Variants in MISP observed in about 807,000 individuals in gnomAD.
The protein encoded by MISP is mitotic interactor and substrate of PLK1.
A neutral mutation model predicts 49.3 loss-of-function variants in MISP; 51 were observed. The observed-to-expected ratio is 1.03, with a 90% CI of 0.83 to 1.31. MISP has a LOEUF of 1.31. Ranked by LOEUF, MISP falls within the 50% of genes most tolerant of loss-of-function variation. MISP has a pLI of 0.00. For synonymous variants in MISP, 444 were observed against 392.6 expected, an observed-to-expected ratio of 1.13 and a Z score of -1.55; for missense variants, 1,084 against 935.1, an observed-to-expected ratio of 1.16 and a Z score of -2.08.
rs772456004 is a variant in MISP at position 757,625 on chromosome 19, G to A, written c.679G>A (p.Ala227Thr). The change falls in exon 2 of 5, where the codon GCC becomes ACC. Residue 227 changes from alanine to threonine, a missense_variant. By Grantham distance (58) the Ala-to-Thr change is moderately conservative (BLOSUM62 0). Coordinates refer to ENST00000215582, the MANE Select transcript of MISP (RefSeq NM_173481.4). ...GACCCCTGCAGGCACAACCCCAGGG[G>A]CCAGCCAGGCCCCCAAGGCCTTCAA... The part of the protein sequence containing the change: ...RGTPAGTTPG[A>T]SQAPKAFNKP... The A allele has an allele frequency of 8.2e-5, 133 of 1,612,312 alleles. 1 individual carries two copies. In the South Asian group the frequency reaches 1.2e-3, roughly 15 times the overall value.
At chr19:760,087 C>T (rs373266238) in intron 3 of MISP, 48 bp downstream of exon 3, 6 of 1,607,806 alleles carry the variant, frequency 3.7e-6, no homozygotes, top group Admixed American at 3.4e-5. Flanking sequence ...GGTCAGACAG[C>T]CCCTATTAGG....
chr19:758,795 G>A lies in MISP; in HGVS notation c.1780+69G>A. The A allele has an allele frequency of 2.1e-6, 3 of 1,396,636 alleles. No homozygotes were observed. The African/African-American group carries it at 4.3e-5, about 20-fold the overall frequency. 86.5% of individuals were successfully genotyped at this position (1,396,636 alleles called of 1,614,324 possible). A position where few individuals can be genotyped will look rare whatever the true frequency, so the allele number is the denominator to read the frequency against. On this transcript the variant is annotated intron_variant, in intron 2 of 4. Coordinates refer to ENST00000215582, the MANE Select transcript of MISP (RefSeq NM_173481.4). Reference sequence around the variant, plus strand: ...AGAGGTTGGAGCAGGGGAGGGTGGGGAGGTGGAGTTTGAGGCTGTCAAAGG... The same window carrying A: ...AGAGGTTGGAGCAGGGGAGGGTGGGAAGGTGGAGTTTGAGGCTGTCAAAGG...
intron 1 of MISP, among the ~76,000 whole-genome samples, chr19:754,558 T>C (rs4919827): frequency 0.98 from 149,441 of 152,332 alleles, 73,309 homozygotes; most frequent in East Asian, 1. Flanking sequence ...ACCCGGGAGG[T>C]GGAGATTGCA....
intron 1 of MISP, among the ~76,000 whole-genome samples, chr19:754,924 C>G (rs1332107531): frequency 7.2e-6 from 1 of 138,516 alleles, no homozygotes; most frequent in Non-Finnish European, 1.6e-5. Flanking sequence ...AGAGGAGGGT[C>G]TGGTTTGGGT....
chr19:757,905 A>G lies in MISP; in HGVS notation c.959A>G (p.Gln320Arg). The G allele has an allele frequency of 1.2e-6, 2 of 1,604,108 alleles. No individual in the cohort carries two copies. Among genetic ancestry groups the G allele is most frequent in the Non-Finnish European group, 1.7e-6 (2 of 1,179,630 alleles). ...GGGCTTCGGCAGGCAACCGACCACC[A>G]GGAGCTGGTGGAAATCCCCACCAGG... ...QRGLRQATDH[Q>R]ELVEIPTRPL... The change falls in exon 2 of 5, where the codon CAG (glutamine) becomes CGG (arginine). Residue 320 changes from glutamine (Q) to arginine (R), a missense_variant. Coordinates refer to ENST00000215582, the MANE Select transcript of MISP (RefSeq NM_173481.4).
Position 756,992 on chromosome 19 carries a change from C to T in MISP, c.46C>T (p.His16Tyr). The change falls in exon 2 of 5, where the codon CAC becomes TAC. Residue 16 changes from histidine to tyrosine, a missense_variant. By Grantham distance (83) the His-to-Tyr change is moderately conservative (BLOSUM62 2). Coordinates refer to ENST00000215582, the MANE Select transcript of MISP (RefSeq NM_173481.4). Reference protein sequence around the residue: ...RYPILGIPQAHRGTGLVLDGD... With the variant: ...RYPILGIPQAYRGTGLVLDGD... ...CCCCATCCTGGGCATCCCTCAGGCA[C>T]ACCGTGGCACCGGCCTGGTGCTGGA... The T allele has an allele frequency of 6.3e-7, 1 of 1,596,738 alleles. No individual in the cohort carries two copies. The highest frequency in any genetic ancestry group is 8.5e-7 in the Non-Finnish European group (1 of 1,170,296).
intron 1 of MISP, among the ~76,000 whole-genome samples, chr19:751,383 T>G (rs1347329958): frequency 6.6e-6 from 1 of 152,082 alleles, no homozygotes; most frequent in Non-Finnish European, 1.5e-5. Context: ...CTCTGGGGCC[T>G]CAAGGGCACC....
At chr19:761,009 T>G (rs949096062) in intron 3 of MISP, among the ~76,000 whole-genome samples, 7 of 151,894 alleles carry the variant, frequency 4.6e-5, no homozygotes, top group Non-Finnish European at 8.8e-5. Context: ...GAGAGCTCCT[T>G]TTGTCAGTAT....
upstream of MISP, among the ~76,000 whole-genome samples, chr19:749,758 A>C (rs536484429): frequency 6.6e-6 from 1 of 151,978 alleles, no homozygotes; most frequent in South Asian, 2.1e-4. Flanking sequence ...TGAACAGGGG[A>C]GGTTGCCGTG....
Position 758,286 on chromosome 19 carries a change from C to T in MISP, c.1340C>T (p.Pro447Leu). The change falls in exon 2 of 5, where the codon CCC becomes CTC. Residue 447 changes from proline to leucine, a missense_variant. Transcript: ENST00000215582. Reference protein sequence around the residue: ...EFSAFGAFGKPSSLSTAEAKA... With the variant: ...EFSAFGAFGKLSSLSTAEAKA... ...TCAGCCTTCGGAGCATTCGGCAAGCCCAGCAGTCTCTCCACAGCGGAGGCC... is the reference window on the plus strand; with the variant it reads ...TCAGCCTTCGGAGCATTCGGCAAGCTCAGCAGTCTCTCCACAGCGGAGGCC... 2 of 1,613,956 alleles carry T rather than the reference C, an allele frequency of 1.2e-6. No individual in the cohort carries two copies. The highest frequency in any genetic ancestry group is 1.7e-6 in the Non-Finnish European group (2 of 1,180,038).
In MISP at chr19:760,037, T is replaced by C; in HGVS notation, c.1909T>C (p.Trp637Arg). 1.9e-6 allele frequency: 3 copies of C among 1,613,608 alleles called. No individual in the cohort carries two copies. Among genetic ancestry groups the C allele is most frequent in the Non-Finnish European group, 2.5e-6 (3 of 1,179,732 alleles). ...TCCCGGGCAGAGAAAGAAGGAGCAATGGGTGAGTCTGGAACCCGTCTCTGC... is the reference window on the plus strand; with the variant it reads ...TCCCGGGCAGAGAAAGAAGGAGCAACGGGTGAGTCTGGAACCCGTCTCTGC... ...APPGQRKKEQWYAGINPSDGI... is the reference protein window; with the variant it reads ...APPGQRKKEQRYAGINPSDGI... The change falls in exon 3 of 5, where the codon TGG (tryptophan) becomes CGG (arginine). Residue 637 changes from tryptophan (W) to arginine (R), a missense_variant and splice_region_variant. Transcript: ENST00000215582.
rs2033609893 is a variant in MISP, at chr19:758,306, G to A, written c.1360G>A (p.Glu454Lys). The change falls in exon 2 of 5, where the codon GAG becomes AAG. Residue 454 changes from glutamate (E) to lysine (K), a missense_variant. Physicochemically the swap from Glu to Lys is moderately conservative, Grantham distance 56. Transcript: ENST00000215582. ...CAAGCCCAGCAGTCTCTCCACAGCG[G>A]AGGCCAAGGCTGCGACTTCACCAAA... Reference protein sequence around the residue: ...FGKPSSLSTAEAKAATSPKAT... With the variant: ...FGKPSSLSTAKAKAATSPKAT... The A allele has an allele frequency of 1.9e-6, 3 of 1,613,972 alleles. No individual in the cohort carries two copies. Among genetic ancestry groups the A allele is most frequent in the Non-Finnish European group, 2.5e-6 (3 of 1,180,058 alleles).
chr19:758,514 C>T lies in MISP; in HGVS notation c.1568C>T (p.Pro523Leu), dbSNP rs761073454. The T allele has an allele frequency of 7.4e-6, 12 of 1,614,128 alleles. No individual in the cohort carries two copies. Among genetic ancestry groups the T allele is most frequent in the Middle Eastern group, 1.7e-4 (1 of 6,056 alleles). The change falls in exon 2 of 5, where the codon CCC becomes CTC. Residue 523 changes from proline to leucine, a missense_variant. Transcript: ENST00000215582. The stretch of plus-strand genomic sequence containing the variant: ...GACGAGCCCCAGCAGGCCCAAGTCC[C>T]CCATGTCTGGGGCTGGGAGGTGGCT... ...APDEPQQAQV[P>L]HVWGWEVAGA...
In MISP at chr19:763,997, G is replaced by A. The variant is rs2285697; in HGVS notation, c.*407G>A. 15,521 of 159,854 alleles carry A rather than the reference G, an allele frequency of 0.097. 1,078 individuals carry two copies. The highest frequency in any genetic ancestry group is 0.18 in the Admixed American group (2,850 of 15,980). The allele number at this position is 159,854 out of a possible 1,614,324, so 9.9% of individuals were successfully genotyped here. A position where few individuals can be genotyped will look rare whatever the true frequency, so the allele number is the denominator to read the frequency against. On this transcript the variant is annotated 3_prime_UTR_variant, in exon 5 of 5. Transcript: ENST00000215582. ...GATCGCAGCACCTTGAGGGGCTGCG[G>A]GTCTGAGGGAGGAGACACTCAGCTC...
At position 757,956 on chromosome 19, in the gene MISP, TCAC is replaced by T. The variant is rs768432024; in HGVS notation, c.1011_1013del (p.Thr338del). 45 of 1,594,240 alleles carry T rather than the reference TCAC, an allele frequency of 2.8e-5. No individual in the cohort carries two copies. In the East Asian group the frequency reaches 9.6e-4, roughly 34 times the overall value. ...CCGCTGCTGACCAAGCTGAGCCTGA[TCAC>T]AGCCCCACGGCGGGAGAGAGGGCGC... On this transcript the variant is annotated inframe_deletion, in exon 2 of 5. Coordinates refer to ENST00000215582, the MANE Select transcript of MISP (RefSeq NM_173481.4).
chr19:758,915 T>C (rs1568244112), intron 2 of MISP, among the ~76,000 whole-genome samples, 189 bp downstream of exon 2: 1 of 152,184 alleles, frequency 6.6e-6, no homozygotes, highest in Non-Finnish European at 1.5e-5. Flanking sequence ...TGGAGAGAAA[T>C]GTCAACTTTA....
rs141915964 is a variant in MISP, at chr19:758,541, G to A, written c.1595G>A (p.Gly532Glu). 5.6e-6 allele frequency: 9 copies of A among 1,614,050 alleles called. No homozygotes were observed. Among genetic ancestry groups the A allele is most frequent in the African/African-American group, 4.0e-5 (3 of 74,944 alleles). The part of the protein sequence containing the change: ...VPHVWGWEVA[G>E]APALRLQKSQ... ...CATGTCTGGGGCTGGGAGGTGGCTG[G>A]GGCCCCTGCACTGAGGCTGCAGAAG... The change falls in exon 2 of 5, where the codon GGG becomes GAG. Residue 532 changes from glycine (G) to glutamate (E), a missense_variant. Coordinates refer to ENST00000215582, the MANE Select transcript of MISP (RefSeq NM_173481.4).
In MISP at chr19:758,024, C is replaced by T. The variant is rs1330895474; in HGVS notation, c.1078C>T (p.Gln360Ter). ...YVQRDIVQET[Q>*]REEDHRREGL... is the part of the protein sequence containing the mutation. Reference sequence around the variant, plus strand: ...GCAGCGGGACATAGTACAGGAGACACAGCGTGAGGAAGACCACCGGCGGGA... The same window carrying T: ...GCAGCGGGACATAGTACAGGAGACATAGCGTGAGGAAGACCACCGGCGGGA... Residue 360 changes from glutamine (Q) to a stop codon, truncating the protein, a stop_gained, in exon 2 of 5, where the codon CAG becomes TAG. Coordinates refer to ENST00000215582, the MANE Select transcript of MISP (RefSeq NM_173481.4). LOFTEE classifies it high-confidence loss of function. 1 of 1,570,252 alleles carries T rather than the reference C, an allele frequency of 6.4e-7. No homozygotes were observed. The highest frequency in any genetic ancestry group is 8.6e-7 in the Non-Finnish European group (1 of 1,161,560).
upstream of MISP, among the ~76,000 whole-genome samples, chr19:750,703 G>A (rs2144948213): frequency 6.6e-6 from 1 of 152,314 alleles, no homozygotes; most frequent in East Asian, 1.9e-4. Context: ...TAGGGGAGTT[G>A]CCCCAAGGGG....
Sources: gnomAD v4.1 joint callset for allele counts (sites outside exome capture counted in the v4.1 genomes callset) on GRCh38, gnomAD v4.1.1 for gene constraint, MANE v1.5 for transcripts, NCBI Gene and HGNC (gene_info 2026-07-23, HGNC 2026-07-21) for gene names.